Variants in DHRS7C observed in about 807,000 individuals in gnomAD.
The protein encoded by DHRS7C is dehydrogenase/reductase SDR family member 7C.
In DHRS7C, 28 loss-of-function variants were observed where a neutral mutation model predicts 29.6. That is an observed-to-expected ratio of 0.95 (90% CI 0.70 to 1.30). DHRS7C has a LOEUF of 1.30. Ranked by LOEUF, DHRS7C falls within the 50% of genes most tolerant of loss-of-function variation. The pLI, the probability that DHRS7C is intolerant of heterozygous loss-of-function variation, is 0.00. For synonymous variants in DHRS7C, 158 were observed against 160.2 expected, an observed-to-expected ratio of 0.99 and a Z score of 0.10; for missense variants, 403 against 393.3, an observed-to-expected ratio of 1.02 and a Z score of -0.21.
In DHRS7C at chr17:9,774,073, C is replaced by T. The variant is rs2066347539; in HGVS notation, c.572-1151G>A. ...TTGTGCGGTATGTGAATTACACAGC[C>T]AATACAAGTGTTACCAAAAAAAGGT... On this transcript the variant is annotated intron_variant, in intron 4 of 5. Transcript: ENST00000571134. The surrounding 1 kb of genome is among the most constrained non-coding windows in gnomAD (Gnocchi z 5.0). Among the ~76,000 whole-genome samples the T allele has an allele frequency of 6.6e-6, 1 of 152,100 alleles. No individual in the cohort carries two copies. The highest frequency in any genetic ancestry group is 2.4e-5 in the African/African-American group (1 of 41,432).
chr17:9,778,351 G>A lies in DHRS7C; in HGVS notation c.479-1066C>T, dbSNP rs567143609. Reference sequence around the variant, plus strand: ...GGAGGTTGCAGTGAGCTGAGATAGCGCCACTGCATTCCAACCTGGGCAATA... The same window carrying A: ...GGAGGTTGCAGTGAGCTGAGATAGCACCACTGCATTCCAACCTGGGCAATA... On this transcript the variant is annotated intron_variant, in intron 3 of 5. Transcript: ENST00000571134. 1.4e-4 allele frequency among the ~76,000 whole-genome samples: 20 copies of A among 146,712 alleles called. No individual in the cohort carries two copies. The South Asian group carries it at 4.1e-3, about 30-fold the overall frequency.
intron 1 of DHRS7C, among the ~76,000 whole-genome samples, chr17:9,784,254 C>T (rs914182188): frequency 3.3e-5 from 5 of 152,148 alleles, no homozygotes; most frequent in African/African-American, 9.6e-5. Context: ...GGGCAGATCA[C>T]GAGGTCAGGA....
At chr17:9,772,605 G>C (rs569553406) in intron 5 of DHRS7C, among the ~76,000 whole-genome samples, 162 bp downstream of exon 5, 3 of 152,248 alleles carry the variant, frequency 2.0e-5, no homozygotes, top group Non-Finnish European at 4.4e-5. Flanking sequence ...AGGCCTAAAG[G>C]TTTGGGGGCC....
Position 9,777,193 on chromosome 17 carries a change from A to G in DHRS7C, c.571T>C (p.Tyr191His). 1 of 1,612,058 alleles carries G rather than the reference A, an allele frequency of 6.2e-7. No individual in the cohort carries two copies. The highest frequency in any genetic ancestry group is 8.5e-7 in the Non-Finnish European group (1 of 1,178,702). Residue 191 changes from tyrosine (Y) to histidine (H), a missense_variant and splice_region_variant, in exon 4 of 6, where the codon TAC becomes CAC. By Grantham distance (83) the Tyr-to-His change is moderately conservative. Coordinates refer to ENST00000571134, the MANE Select transcript of DHRS7C (RefSeq NM_001105571.3). Reference sequence around the variant, plus strand: ...TCATATTTTTATCTTAGCAACTTACAAGTCGTACGGAACGGGATTCCAAAC... The same window carrying G: ...TCATATTTTTATCTTAGCAACTTACGAGTCGTACGGAACGGGATTCCAAAC... ...GKFGIPFRTT[Y>H]AASKHAALGF...
chr17:9,774,197 A>G lies in DHRS7C; in HGVS notation c.572-1275T>C, dbSNP rs2152015010. Among the ~76,000 whole-genome samples, 1 of 152,284 alleles carries G rather than the reference A, an allele frequency of 6.6e-6. No individual in the cohort carries two copies. The highest frequency in any genetic ancestry group is 6.5e-5 in the Admixed American group (1 of 15,292). Reference sequence around the variant, plus strand: ...GGTGGGTGAGAAGCTGGGGACCCAGAGGTGAATAGAAGTAGCTCTGGCCTC... The same window carrying G: ...GGTGGGTGAGAAGCTGGGGACCCAGGGGTGAATAGAAGTAGCTCTGGCCTC... On this transcript the variant is annotated intron_variant, in intron 4 of 5. Coordinates refer to ENST00000571134, the MANE Select transcript of DHRS7C (RefSeq NM_001105571.3). The surrounding 1 kb of genome is among the most constrained non-coding windows in gnomAD (Gnocchi z 5.0).
intron 1 of DHRS7C, among the ~76,000 whole-genome samples, chr17:9,790,293 C>G (rs1270443724): frequency 6.6e-6 from 1 of 152,158 alleles, no homozygotes; most frequent in Non-Finnish European, 1.5e-5. Context: ...ATAAAAACAA[C>G]AGCAAAAGTT....
At chr17:9,776,431 G>A (rs2066363041) in intron 4 of DHRS7C, among the ~76,000 whole-genome samples, 1 of 152,160 alleles carries the variant, frequency 6.6e-6, no homozygotes, top group Non-Finnish European at 1.5e-5. Flanking sequence ...TTGGTATTTT[G>A]TTACGGCAGC....
At position 9,781,507 on chromosome 17, in the gene DHRS7C, A is replaced by C. The variant is rs1597927395; in HGVS notation, c.242T>G (p.Leu81Trp). Residue 81 changes from leucine to tryptophan, a missense_variant, in exon 2 of 6, where the codon TTG (leucine) becomes TGG (tryptophan). Physicochemically the swap from Leu to Trp is moderately conservative, Grantham distance 61. Coordinates refer to ENST00000571134, the MANE Select transcript of DHRS7C (RefSeq NM_001105571.3). ...WERLENLYDA[L>W]ISVADPSKTF... ...CTTGCTGGGGTCAGCCACGCTGATC[A>C]AGGCATCATATAGGTTCTCTAGCCT... 1.2e-6 allele frequency: 2 copies of C among 1,614,018 alleles called. No homozygotes were observed. Among genetic ancestry groups the C allele is most frequent in the Middle Eastern group, 3.3e-4 (2 of 6,060 alleles).
intron 1 of DHRS7C, among the ~76,000 whole-genome samples, chr17:9,784,468 T>G: frequency 6.6e-6 from 1 of 151,748 alleles, no homozygotes; most frequent in African/African-American, 2.4e-5. Flanking sequence ...TGAGACTCCA[T>G]CTCAAAAAAA....
chr17:9,786,094 G>A (rs373188804), intron 1 of DHRS7C, among the ~76,000 whole-genome samples: 5 of 151,992 alleles, frequency 3.3e-5, no homozygotes, highest in African/African-American at 7.2e-5. Flanking sequence ...AGGCCGAGGC[G>A]GGTGGATTAC....
chr17:9,784,776 T>A (rs2066413622), intron 1 of DHRS7C, among the ~76,000 whole-genome samples: 2 of 152,142 alleles, frequency 1.3e-5, no homozygotes, highest in South Asian at 4.1e-4. Flanking sequence ...TTTTAATCTA[T>A]CAGATAATCA....
chr17:9,785,909 G>A (rs529911836), intron 1 of DHRS7C, among the ~76,000 whole-genome samples: 1 of 152,282 alleles, frequency 6.6e-6, no homozygotes, highest in African/African-American at 2.4e-5. Flanking sequence ...CAGAGAGGGG[G>A]AAGAAAGTTC....
chr17:9,791,058 C>T lies in DHRS7C; in HGVS notation c.154+73G>A, dbSNP rs1597933405. 14 of 1,522,856 alleles carry T rather than the reference C, an allele frequency of 9.2e-6. No homozygotes were observed. The East Asian group carries it at 9.7e-5, about 11-fold the overall frequency. The allele number at this position is 1,522,856 out of a possible 1,614,324, so 94.3% of individuals were successfully genotyped here. A position where few individuals can be genotyped will look rare whatever the true frequency, so the allele number is the denominator to read the frequency against. ...CAGGTTTGCCCACACAGCGCCCTGC[C>T]GCCCTGCCACCCTGCCATCCTGCCA... On this transcript the variant is annotated intron_variant, in intron 1 of 5. Coordinates refer to ENST00000571134, the MANE Select transcript of DHRS7C (RefSeq NM_001105571.3).
At chr17:9,785,744 C>T (rs1274165795) in intron 1 of DHRS7C, among the ~76,000 whole-genome samples, 3 of 152,174 alleles carry the variant, frequency 2.0e-5, no homozygotes, top group East Asian at 3.9e-4. Flanking sequence ...AGACATGTGC[C>T]AGGCCCATGG....
chr17:9,787,255 A>G (rs767409900), intron 1 of DHRS7C, among the ~76,000 whole-genome samples: 55 of 152,154 alleles, frequency 3.6e-4, no homozygotes, highest in Non-Finnish European at 5.3e-4. Flanking sequence ...CAGAGCATCT[A>G]TTTGCAGCAG....
chr17:9,784,447 G>A (rs531483072), intron 1 of DHRS7C, among the ~76,000 whole-genome samples: 1 of 152,204 alleles, frequency 6.6e-6, no homozygotes, highest in South Asian at 2.1e-4. Flanking sequence ...ACTCCAGCCT[G>A]GGGAACAGAG....
intron 1 of DHRS7C, 97 bp from the exon 2 acceptor site, chr17:9,781,691 A>T (rs1567702377): frequency 2.5e-6 from 3 of 1,215,590 alleles, no homozygotes; most frequent in South Asian, 1.3e-5. Context: ...CAAAAAACTC[A>T]GAAGTCTTAG....
chr17:9,772,077 T>A (rs899982425), intron 5 of DHRS7C, among the ~76,000 whole-genome samples: 2 of 152,112 alleles, frequency 1.3e-5, no homozygotes, highest in Non-Finnish European at 2.9e-5. Flanking sequence ...CTGCCCCCCA[T>A]CTTGGATCAT....
At chr17:9,782,705 T>C (rs2066399826) in intron 1 of DHRS7C, among the ~76,000 whole-genome samples, 2 of 152,212 alleles carry the variant, frequency 1.3e-5, no homozygotes, top group Admixed American at 6.5e-5. Flanking sequence ...GGGAAATGGA[T>C]GAACTGACCA....
Sources: gnomAD v4.1 joint callset for allele counts (sites outside exome capture counted in the v4.1 genomes callset) on GRCh38, gnomAD v4.1.1 for gene constraint, Gnocchi (gnomAD v3.1) non-coding constraint, MANE v1.5 for transcripts, NCBI Gene and HGNC (gene_info 2026-07-23, HGNC 2026-07-21) for gene names.